The following DDX42 variants were observed in gnomAD, a reference collection of about 807,000 sequenced individuals.
DDX42 encodes the protein DEAD-box helicase 42.
A neutral mutation model predicts 101.5 loss-of-function variants in DDX42; 22 were observed. That is an observed-to-expected ratio of 0.22 (90% CI 0.15 to 0.31). DDX42 has a LOEUF of 0.31. Among genes scored for constraint, DDX42 ranks in the 10% least tolerant of loss-of-function variants. The pLI is 1.00. For missense variants in DDX42, 849 were observed against 1,199.9 expected, an observed-to-expected ratio of 0.71 and a Z score of 4.32; for synonymous variants, 402 against 401.2, an observed-to-expected ratio of 1.00 and a Z score of -0.02.
rs201375396 is a variant in DDX42, at chr17:63,785,044, CAT to C, written c.-16-1987_-16-1986del. On this transcript the variant is annotated intron_variant, in intron 1 of 17. Transcript: ENST00000389924. Reference sequence around the variant, plus strand: ...AATTTTTAATTTGTGTGTATATACACATATGCATACAAGTAGCAAAAAATAGA... The same window carrying C: ...AATTTTTAATTTGTGTGTATATACACATGCATACAAGTAGCAAAAAATAGA... Among the ~76,000 whole-genome samples, 1,122 of 152,240 alleles carry C rather than the reference CAT, an allele frequency of 7.4e-3. 12 individuals are homozygous for C. Among genetic ancestry groups the C allele is most frequent in the African/African-American group, 0.024 (1,008 of 41,524 alleles).
At chr17:63,796,904 A>C (rs2039700222) in intron 3 of DDX42, among the ~76,000 whole-genome samples, 4 of 152,196 alleles carry the variant, frequency 2.6e-5, no homozygotes, top group Admixed American at 2.6e-4. Flanking sequence ...AGAACACCCG[A>C]TCATGCCACA....
intron 3 of DDX42, among the ~76,000 whole-genome samples, chr17:63,792,804 T>C (rs1438317798): frequency 6.6e-6 from 1 of 152,174 alleles, no homozygotes; most frequent in Admixed American, 6.5e-5. Context: ...TAGACGTATA[T>C]GTGTGTATGT....
intron 1 of DDX42, chr17:63,776,321 G>A (rs2039420349): frequency 6.6e-6 from 1 of 152,326 alleles, no homozygotes; most frequent in Non-Finnish European, 1.5e-5. Context: ...TCCCTGGAAT[G>A]TCTTCGTCTG....
intron 2 of DDX42, among the ~76,000 whole-genome samples, chr17:63,790,059 G>T (rs1426240489): frequency 6.6e-6 from 1 of 152,094 alleles, no homozygotes; most frequent in African/African-American, 2.4e-5. Flanking sequence ...GAGGTGGAAA[G>T]ACTGCTTGAG....
At chr17:63,786,591 A>G (rs1567731023) in intron 1 of DDX42, among the ~76,000 whole-genome samples, 1 of 152,218 alleles carries the variant, frequency 6.6e-6, no homozygotes. Flanking sequence ...TCCTGACTAC[A>G]GTGTTATAGT....
intron 1 of DDX42, chr17:63,774,747 C>T (rs924622436): frequency 6.6e-6 from 1 of 152,234 alleles, no homozygotes; most frequent in African/African-American, 2.4e-5. Context: ...AGATGCAGGC[C>T]TCCGAATTTG....
chr17:63,781,776 C>T (rs1226916669), intron 1 of DDX42, among the ~76,000 whole-genome samples: 6 of 151,930 alleles, frequency 3.9e-5, no homozygotes, highest in Admixed American at 6.6e-5. Flanking sequence ...TTTGGGAGGC[C>T]GAGGCAGGTG....
Position 63,806,706 on chromosome 17 carries a change from A to G in DDX42, c.846+52A>G, listed in dbSNP as rs749969156. 1.4e-5 allele frequency: 22 copies of G among 1,541,680 alleles called. No homozygotes were observed. In the South Asian group the frequency reaches 1.5e-4, roughly 10 times the overall value. On this transcript the variant is annotated intron_variant, in intron 8 of 17. Coordinates refer to ENST00000389924, the MANE Select transcript of DDX42 (RefSeq NM_203499.3). ...TAAAGTAGGGTAGTCTTTCATGACT[A>G]TATTAATTTAAAAACAAATCACAGC...
At chr17:63,796,103 C>T (rs2039689630) in intron 3 of DDX42, among the ~76,000 whole-genome samples, 1 of 152,148 alleles carries the variant, frequency 6.6e-6, no homozygotes, top group African/African-American at 2.4e-5. Context: ...TTTTCTTCAT[C>T]TTCTTGAGAT....
In DDX42 at chr17:63,791,017, A is replaced by G. The variant is rs372196116; in HGVS notation, c.222-1395A>G. Among the ~76,000 whole-genome samples, 11 of 152,360 alleles carry G rather than the reference A, an allele frequency of 7.2e-5. No individual in the cohort carries two copies. In the East Asian group the frequency reaches 1.5e-3, roughly 21 times the overall value. On this transcript the variant is annotated intron_variant, in intron 2 of 17. Transcript: ENST00000389924. ...GTTACATTAGTGTGTATATATATGT[A>G]TGCATGTGTGTATATAGCATAACAG...
chr17:63,792,642 A>G, intron 3 of DDX42, 80 bp downstream of exon 3: 7 of 1,439,328 alleles, frequency 4.9e-6, no homozygotes, highest in Non-Finnish European at 4.6e-6. Flanking sequence ...ATCTTATTCA[A>G]AATTTGTTTT....
At chr17:63,779,483 C>CA (rs1476058106) in intron 1 of DDX42, among the ~76,000 whole-genome samples, 2 of 152,274 alleles carry the variant, frequency 1.3e-5, no homozygotes, top group Non-Finnish European at 2.9e-5. Flanking sequence ...AGGCTGACCT[C>CA]TAACTCCTGA....
chr17:63,780,783 A>G lies in DDX42; in HGVS notation c.-16-6251A>G, dbSNP rs1419052974. 3.3e-5 allele frequency among the ~76,000 whole-genome samples: 5 copies of G among 152,274 alleles called. No individual in the cohort carries two copies. In the East Asian group the frequency reaches 9.6e-4, roughly 29 times the overall value. On this transcript the variant is annotated intron_variant, in intron 1 of 17. Transcript: ENST00000389924. ...GGAGTTGATTTGCTGCTTTTGTAAT[A>G]TGAACCTTTTGATTATTTAATAGGG...
rs1449358938 is a variant in DDX42 at position 63,813,335 on chromosome 17, A to G, written c.1783A>G (p.Lys595Glu). Residue 595 changes from lysine (K) to glutamate (E), a missense_variant, in exon 15 of 18, where the codon AAA becomes GAA. Physicochemically the swap from Lys to Glu is moderately conservative, Grantham distance 56 (BLOSUM62 1). This residue lies in a region of DDX42 where 86 missense variants were observed against 160.8 expected (regional missense o/e 0.53). Transcript: ENST00000389924. The part of the protein sequence containing the change: ...RIGRTGRAGE[K>E]GVAYTLLTPK... ...TGGCCGCACAGGAAGAGCGGGTGAG[A>G]AAGGTGTGGCCTATACCCTACTCAC... is the stretch of plus-strand genomic sequence containing the variant. 1 of 1,614,076 alleles carries G rather than the reference A, an allele frequency of 6.2e-7. No homozygotes were observed. Among genetic ancestry groups the G allele is most frequent in the East Asian group, 2.2e-5 (1 of 44,904 alleles).
At chr17:63,798,566 C>T (rs1567737364) in intron 4 of DDX42, among the ~76,000 whole-genome samples, 1 of 151,988 alleles carries the variant, frequency 6.6e-6, no homozygotes, top group Non-Finnish European at 1.5e-5. Flanking sequence ...TTTTTTCAAC[C>T]AACACAGGTG....
chr17:63,801,543 T>G (rs1400403190), intron 6 of DDX42, among the ~76,000 whole-genome samples: 1 of 152,032 alleles, frequency 6.6e-6, no homozygotes, highest in African/African-American at 2.4e-5. Flanking sequence ...TGTTTATTTT[T>G]TTTCCAGACG....
intron 4 of DDX42, 132 bp downstream of exon 4, chr17:63,798,231 A>G (rs1444554740): frequency 2.7e-6 from 2 of 738,232 alleles, no homozygotes; most frequent in South Asian, 2.0e-5. Context: ...TTATTCCTGT[A>G]TCTTGAATAC....
intron 1 of DDX42, 161 bp downstream of exon 1, chr17:63,774,537 G>C (rs945035609): frequency 5.9e-6 from 1 of 169,462 alleles, no homozygotes; most frequent in Non-Finnish European, 1.3e-5. Context: ...GGGTGGGAGT[G>C]GGGGCTGAGG....
intron 9 of DDX42, among the ~76,000 whole-genome samples, chr17:63,808,597 A>C (rs2039871335): frequency 6.6e-6 from 1 of 152,170 alleles, no homozygotes; most frequent in Non-Finnish European, 1.5e-5. Flanking sequence ...CAGGATCAGG[A>C]AGAGAAGGGG....
Sources: allele counts gnomAD v4.1 joint callset (sites outside exome capture counted in the v4.1 genomes callset), GRCh38; gene constraint gnomAD v4.1.1; regional missense constraint gnomAD v4.1.1; transcripts MANE v1.5; gene names NCBI Gene and HGNC (gene_info 2026-07-23, HGNC 2026-07-21).